Variants in LRMDA observed in about 807,000 individuals in gnomAD.
LRMDA encodes the protein leucine-rich melanocyte differentiation-associated protein.
A neutral mutation model predicts 29.8 loss-of-function variants in LRMDA; 18 were observed. The ratio of observed to expected loss-of-function variants is 0.60; its 90% CI spans 0.42 to 0.90. The LOEUF (loss-of-function observed/expected upper bound fraction) is 0.90, where lower values mean the gene tolerates loss of function less well. Ranked by LOEUF, LRMDA falls within the 40% of genes least tolerant of loss-of-function variation. LRMDA has a pLI of 0.00. For synonymous variants in LRMDA, 125 were observed against 109.4 expected (o/e 1.14, Z -0.89); for missense variants, 273 against 273.9 (o/e 1.00, Z 0.02).
At chr10:75,777,397 G>C (rs141908158) in intron 2 of LRMDA, among the ~76,000 whole-genome samples, 2 of 152,176 alleles carry the variant, frequency 1.3e-5, no homozygotes. Flanking sequence ...GTAGCCTTTT[G>C]GGGGCTGCTT....
At chr10:75,471,861 A>ATGT (rs58801812) in intron 2 of LRMDA, among the ~76,000 whole-genome samples, 68,964 of 151,544 alleles carry the variant, frequency 0.46, 17,539 homozygotes, top group African/African-American at 0.7. Flanking sequence ...GAGGGTCTCC[A>ATGT]TGTTTGGGGA....
chr10:76,512,172 A>G (rs922404301), intron 6 of LRMDA, among the ~76,000 whole-genome samples: 9 of 152,160 alleles, frequency 5.9e-5, no homozygotes, highest in South Asian at 2.1e-4. Flanking sequence ...TGCTGCCACT[A>G]TGTAAGAAGT....
At chr10:75,683,348 G>A (rs545761009) in intron 2 of LRMDA, among the ~76,000 whole-genome samples, 61 of 152,286 alleles carry the variant, frequency 4.0e-4, no homozygotes, top group Non-Finnish European at 6.9e-4. Flanking sequence ...GCTGGGAGCC[G>A]TGTTAATATC....
intron 2 of LRMDA, among the ~76,000 whole-genome samples, chr10:75,917,492 C>G (rs1845953684): frequency 1.3e-5 from 2 of 152,200 alleles, no homozygotes; most frequent in Admixed American, 1.3e-4. Flanking sequence ...CTGAAATACT[C>G]CTCCTAAATG....
chr10:76,337,355 C>CAGAT (rs1199738317), intron 6 of LRMDA, among the ~76,000 whole-genome samples: 1 of 152,120 alleles, frequency 6.6e-6, no homozygotes, highest in East Asian at 1.9e-4. Flanking sequence ...AAAACGACAG[C>CAGAT]AGATCAAGGG....
At chr10:75,601,928 T>G (rs1840891601) in intron 2 of LRMDA, among the ~76,000 whole-genome samples, 1 of 152,230 alleles carries the variant, frequency 6.6e-6, no homozygotes, top group South Asian at 2.1e-4. Context: ...GTGAAAGTGA[T>G]GTATACTACT....
intron 3 of LRMDA, among the ~76,000 whole-genome samples, chr10:76,042,199 G>T (rs114318091): frequency 2.3e-3 from 350 of 152,322 alleles, no homozygotes; most frequent in African/African-American, 8.2e-3. Flanking sequence ...GAGCATGCAT[G>T]CAGGGAGGAG....
chr10:76,238,377 A>G (rs911818225), intron 5 of LRMDA, among the ~76,000 whole-genome samples: 2 of 152,148 alleles, frequency 1.3e-5, no homozygotes, highest in African/African-American at 2.4e-5. Flanking sequence ...TGACTTATTA[A>G]GTGACAGAGC....
chr10:75,864,233 T>C (rs560880321), intron 2 of LRMDA, among the ~76,000 whole-genome samples: 15 of 152,320 alleles, frequency 9.8e-5, no homozygotes, highest in Admixed American at 2.6e-4. Context: ...GAACTTCTAA[T>C]AATACCACCT....
chr10:76,339,455 C>T (rs574189660), intron 6 of LRMDA, among the ~76,000 whole-genome samples: 22 of 151,774 alleles, frequency 1.4e-4, no homozygotes, highest in Non-Finnish European at 2.2e-4. Flanking sequence ...AAGGATTTTT[C>T]CTCCTTAGAA....
chr10:75,923,493 T>TGGCTTGAC (rs1564608035), intron 2 of LRMDA, among the ~76,000 whole-genome samples: 2 of 152,114 alleles, frequency 1.3e-5, no homozygotes, highest in Non-Finnish European at 1.5e-5. Flanking sequence ...CCCCTAGAAA[T>TGGCTTGAC]GGCTTGACGT....
intron 5 of LRMDA, among the ~76,000 whole-genome samples, chr10:76,122,277 A>G (rs1011967713): frequency 6.6e-5 from 10 of 151,816 alleles, no homozygotes; most frequent in African/African-American, 2.2e-4. Flanking sequence ...ATGCTCAGAC[A>G]TCTGCTGCGG....
At chr10:75,568,142 TG>T (rs1171750124) in intron 2 of LRMDA, among the ~76,000 whole-genome samples, 1 of 152,250 alleles carries the variant, frequency 6.6e-6, no homozygotes, top group Non-Finnish European at 1.5e-5. Flanking sequence ...AAGAGCTTAC[TG>T]GGTAGCTTTT....
At position 76,111,253 on chromosome 10, in the gene LRMDA, T is replaced by C. The variant is rs1219356059; in HGVS notation, c.516+52470T>C. On this transcript the variant is annotated intron_variant, in intron 5 of 6. Coordinates refer to ENST00000611255, the MANE Select transcript of LRMDA (RefSeq NM_001305581.2). ...TGTGATTTAACATGTCTTTATGTGT[T>C]ATTTTGCTTCTCTGCTTCCTTAAAT... is the stretch of plus-strand genomic sequence containing the variant. Among the ~76,000 whole-genome samples, 4 of 152,256 alleles carry C rather than the reference T, an allele frequency of 2.6e-5. No homozygotes were observed. In the East Asian group the frequency reaches 7.7e-4, roughly 29 times the overall value.
chr10:75,545,187 A>G (rs1016807933), intron 2 of LRMDA, among the ~76,000 whole-genome samples: 9 of 152,210 alleles, frequency 5.9e-5, no homozygotes, highest in Non-Finnish European at 1.2e-4. Flanking sequence ...AGCTCCCACA[A>G]CAAATAATTA....
intron 5 of LRMDA, among the ~76,000 whole-genome samples, chr10:76,283,412 A>C (rs941182196): frequency 6.6e-6 from 1 of 152,168 alleles, no homozygotes; most frequent in East Asian, 1.9e-4. Flanking sequence ...AGCATGAAGG[A>C]GCATGAATGA....
At chr10:76,169,886 C>A (rs1348042522) in intron 5 of LRMDA, among the ~76,000 whole-genome samples, 3 of 152,178 alleles carry the variant, frequency 2.0e-5, no homozygotes, top group African/African-American at 7.2e-5. Context: ...TACTGTGAGG[C>A]TGCCCCATGC....
At chr10:76,000,363 C>A (rs1847541213) in intron 2 of LRMDA, among the ~76,000 whole-genome samples, 1 of 152,128 alleles carries the variant, frequency 6.6e-6, no homozygotes, top group Admixed American at 6.5e-5. Flanking sequence ...GAGCCATCAG[C>A]CTCCCTCCCG....
At chr10:76,551,761 G>T (rs1373992302) in intron 6 of LRMDA, among the ~76,000 whole-genome samples, 1 of 152,174 alleles carries the variant, frequency 6.6e-6, no homozygotes, top group Non-Finnish European at 1.5e-5. Context: ...GACATGTATA[G>T]AGTCCCATGG....
Sources: gnomAD v4.1 joint callset for allele counts (sites outside exome capture counted in the v4.1 genomes callset) on GRCh38, gnomAD v4.1.1 for gene constraint, MANE v1.5 for transcripts, NCBI Gene and HGNC (gene_info 2026-07-23, HGNC 2026-07-21) for gene names.